TUBB3: variants seen among roughly 807,000 people sequenced by gnomAD.
The protein encoded by TUBB3 is tubulin beta-3 chain.
TUBB3 carries 17 observed loss-of-function variants against 37.8 expected under a neutral mutation model. The ratio of observed to expected loss-of-function variants is 0.45; its 90% CI spans 0.31 to 0.67. The LOEUF (loss-of-function observed/expected upper bound fraction) is 0.67, where lower values mean the gene tolerates loss of function less well. Ranked by LOEUF, TUBB3 falls within the 30% of genes least tolerant of loss-of-function variation. TUBB3 has a pLI of 0.07. For synonymous variants in TUBB3, 332 were observed against 278.9 expected (o/e 1.19, Z -1.90); for missense variants, 262 against 657.9 (o/e 0.40, Z 6.58).
At chr16:89,927,955 G>A (rs1249838444) in intron 1 of TUBB3, among the ~76,000 whole-genome samples, 3 of 152,202 alleles carry the variant, frequency 2.0e-5, no homozygotes, top group Non-Finnish European at 2.9e-5. Flanking sequence ...CAAGGTCCCC[G>A]ACTCAAGTGG....
chr16:89,930,700 C>CTATT (rs2030251712), intron 1 of TUBB3, among the ~76,000 whole-genome samples: 1 of 151,924 alleles, frequency 6.6e-6, no homozygotes, highest in East Asian at 1.9e-4. Flanking sequence ...CACCTGGCCT[C>CTATT]TATTTATTTA....
intron 1 of TUBB3, chr16:89,932,243 TA>T (rs1276779714): frequency 2.4e-6 from 1 of 422,780 alleles, no homozygotes; most frequent in African/African-American, 2.0e-5. Flanking sequence ...AGGTGTTTAT[TA>T]CCAATGCCCT....
At chr16:89,933,237 C>G (rs1298172273) in intron 2 of TUBB3, 2 of 694,490 alleles carry the variant, frequency 2.9e-6, no homozygotes, top group Non-Finnish European at 5.3e-6. Context: ...GGACGTCTGA[C>G]TGAATCCTGC....
chr16:89,927,064 A>G (rs2030113054), intron 1 of TUBB3, among the ~76,000 whole-genome samples: 1 of 151,236 alleles, frequency 6.6e-6, no homozygotes. Context: ...ATAAAATTAT[A>G]TTTTATTGTT....
At chr16:89,930,014 C>T (rs2030223745) in intron 1 of TUBB3, among the ~76,000 whole-genome samples, 1 of 141,462 alleles carries the variant, frequency 7.1e-6, no homozygotes, top group Admixed American at 7.2e-5. Flanking sequence ...CAGTTTTCTC[C>T]CCTTCCTTCC....
Position 89,935,972 on chromosome 16 carries a change from G to T in TUBB3, c.*168G>T, listed in dbSNP as rs573895784. 1 of 778,974 alleles carries T rather than the reference G, an allele frequency of 1.3e-6. No homozygotes were observed. Among genetic ancestry groups the T allele is most frequent in the Non-Finnish European group, 2.0e-6 (1 of 493,080 alleles). The allele number at this position is 778,974 out of a possible 1,614,324, so 48.3% of individuals were successfully genotyped here. On this transcript the variant is annotated 3_prime_UTR_variant, in exon 4 of 4. Transcript: ENST00000315491. ...GCCTCGTCCTCCCCACCTAGGCCAC[G>T]TGTGAGCTGCTCCTGTCTCTGTCTT...
intron 3 of TUBB3, 158 bp from the exon 4 acceptor site, chr16:89,934,571 G>A (rs890462119): frequency 5.9e-5 from 44 of 743,128 alleles, no homozygotes; most frequent in Admixed American, 1.6e-4. Context: ...GGGAAGCCAC[G>A]GCGGGTATGA....
Position 89,935,742 on chromosome 16 carries a change from G to T in TUBB3, c.1291G>T (p.Glu431Ter). Residue 431 changes from glutamate to a stop codon, truncating the protein, a stop_gained, in exon 4 of 4, where the codon GAG becomes TAG. Coordinates refer to ENST00000315491, the MANE Select transcript of TUBB3 (RefSeq NM_006086.4). LOFTEE classifies it high-confidence loss of function. ...CCAGCAGTACCAGGACGCCACGGCC[G>T]AGGAAGAGGGCGAGATGTACGAAGA... is the stretch of plus-strand genomic sequence containing the variant. ...EYQQYQDATA[E>*]EEGEMYEDDE... The T allele has an allele frequency of 6.2e-7, 1 of 1,613,966 alleles. No individual in the cohort carries two copies. The highest frequency in any genetic ancestry group is 8.5e-7 in the Non-Finnish European group (1 of 1,179,958).
At chr16:89,932,520 G>A (rs2030312711) in intron 1 of TUBB3, 51 bp from the exon 2 acceptor site, 1 of 1,505,840 alleles carries the variant, frequency 6.6e-7, no homozygotes, top group Non-Finnish European at 9.2e-7. Context: ...GAAAGGGCCT[G>A]GCTGGGGCTA....
intron 1 of TUBB3, among the ~76,000 whole-genome samples, chr16:89,928,830 A>G (rs1567762330): frequency 6.6e-6 from 1 of 150,718 alleles, no homozygotes. Flanking sequence ...GTCTGGCCTA[A>G]TTTTTGTATT....
chr16:89,928,723 A>G (rs2030174145), intron 1 of TUBB3, among the ~76,000 whole-genome samples: 1 of 151,344 alleles, frequency 6.6e-6, no homozygotes, highest in Non-Finnish European at 1.5e-5. Context: ...ACAGGGTTTC[A>G]CTGTGCCAGC....
In TUBB3 at chr16:89,934,959, G is replaced by A. The variant is rs1344725531; in HGVS notation, c.508G>A (p.Val170Met). The A allele has an allele frequency of 6.2e-7, 1 of 1,614,184 alleles. No individual in the cohort carries two copies. The highest frequency in any genetic ancestry group is 8.5e-7 in the Non-Finnish European group (1 of 1,180,038). Residue 170 changes from valine to methionine, a missense_variant, in exon 4 of 4, where the codon GTG becomes ATG. By Grantham distance (21) the Val-to-Met change is conservative. Coordinates refer to ENST00000315491, the MANE Select transcript of TUBB3 (RefSeq NM_006086.4). ...CCGCATCATGAACACCTTCAGCGTC[G>A]TGCCCTCACCCAAGGTGTCAGACAC... The part of the protein sequence containing the change: ...PDRIMNTFSV[V>M]PSPKVSDTVV...
intron 3 of TUBB3, chr16:89,934,428 G>T (rs938817372): frequency 3.5e-6 from 2 of 572,566 alleles, no homozygotes; most frequent in East Asian, 3.9e-5. Flanking sequence ...CGGAAGGAAG[G>T]TATGCTGGAG....
intron 1 of TUBB3, among the ~76,000 whole-genome samples, chr16:89,926,491 A>T (rs1270242998): frequency 6.6e-6 from 1 of 152,200 alleles, no homozygotes. Flanking sequence ...CAGGACCCCA[A>T]GCGCTGCGCG....
chr16:89,923,204 G>A (rs1012049121), upstream of TUBB3: 4 of 222,056 alleles, frequency 1.8e-5, no homozygotes, highest in Non-Finnish European at 3.4e-5. Context: ...CGCGCGGCGG[G>A]CGGGGACGCG....
At chr16:89,922,826 TCTC>T (rs1335613573), upstream of TUBB3, among the ~76,000 whole-genome samples, 1 of 152,056 alleles carries the variant, frequency 6.6e-6, no homozygotes, top group Admixed American at 6.5e-5. Flanking sequence ...CTTTGTTTCT[TCTC>T]AGTGGGTTCA....
Position 89,932,584 on chromosome 16 carries a change from T to C in TUBB3, c.71T>C (p.Ile24Thr), listed in dbSNP as rs1567763964. The C allele has an allele frequency of 2.5e-6, 4 of 1,614,082 alleles. No individual in the cohort carries two copies. Among genetic ancestry groups the C allele is most frequent in the Non-Finnish European group, 2.5e-6 (3 of 1,180,010 alleles). Residue 24 changes from isoleucine to threonine, a missense_variant, in exon 2 of 4, where the codon ATC becomes ACC. This residue lies in a region of TUBB3 where 58 missense variants were observed against 74.2 expected (regional missense o/e 0.78). Coordinates refer to ENST00000315491, the MANE Select transcript of TUBB3 (RefSeq NM_006086.4). ...CTTTGTTTGCAGTTCTGGGAAGTCA[T>C]CAGTGATGAGCATGGCATCGACCCC... ...NQIGAKFWEVISDEHGIDPSG... is the reference protein window; with the variant it reads ...NQIGAKFWEVTSDEHGIDPSG...
chr16:89,926,627 C>T (rs1314002250), intron 1 of TUBB3, among the ~76,000 whole-genome samples: 1 of 152,252 alleles, frequency 6.6e-6, no homozygotes, highest in Admixed American at 6.5e-5. Flanking sequence ...GGGCTGGCGT[C>T]CAGAGGCGCG....
intron 1 of TUBB3, among the ~76,000 whole-genome samples, chr16:89,930,568 G>A (rs549859119): frequency 2.6e-5 from 4 of 151,752 alleles, no homozygotes; most frequent in African/African-American, 9.7e-5. Context: ...GAACGTGTGA[G>A]CCACCACCCC....
Sources: allele counts gnomAD v4.1 joint callset (sites outside exome capture counted in the v4.1 genomes callset), GRCh38; gene constraint gnomAD v4.1.1; regional missense constraint gnomAD v4.1.1; transcripts MANE v1.5; gene names NCBI Gene and HGNC (gene_info 2026-07-23, HGNC 2026-07-21).